KLHL10: variants seen among roughly 807,000 people sequenced by gnomAD.
The protein encoded by KLHL10 is kelch like family member 10.
KLHL10 carries 11 observed loss-of-function variants against 46.6 expected under a neutral mutation model. The ratio of observed to expected loss-of-function variants is 0.24; its 90% CI spans 0.15 to 0.39. KLHL10 has a LOEUF of 0.39. KLHL10 is among the 10% of genes least tolerant of loss of function. The probability of loss-of-function intolerance (pLI) is 1.00; values close to 1 mark genes in which losing one functional copy is unlikely to be tolerated. For missense variants in KLHL10, 475 were observed against 789.8 expected (o/e 0.60, Z 4.78); for synonymous variants, 254 against 279.1 (o/e 0.91, Z 0.90).
Position 41,848,268 on chromosome 17 carries a change from A to C in KLHL10, c.1788A>C (p.Glu596Asp). The C allele has an allele frequency of 6.2e-7, 1 of 1,613,390 alleles. No individual in the cohort carries two copies. The highest frequency in any genetic ancestry group is 1.7e-5 in the Admixed American group (1 of 60,016). ...TCCCAGGATTAGCACTGCGAGATGA[A>C]GTAAAATATTCTGCTTCGACAAGTA... is the stretch of plus-strand genomic sequence containing the variant. The part of the protein sequence containing the change: ...DNFPGLALRD[E>D]VKYSASTSTL... The change falls in exon 5 of 5, where the codon GAA becomes GAC. Residue 596 changes from glutamate (E) to aspartate (D), a missense_variant. Glu to Asp is a conservative substitution (Grantham distance 45). Coordinates refer to ENST00000293303, the MANE Select transcript of KLHL10 (RefSeq NM_152467.5).
chr17:41,845,436 A>G lies in KLHL10; in HGVS notation c.995A>G (p.His332Arg). The change falls in exon 3 of 5, where the codon CAT becomes CGT. Residue 332 changes from histidine (H) to arginine (R), a missense_variant. By Grantham distance (29) the His-to-Arg change is conservative. Coordinates refer to ENST00000293303, the MANE Select transcript of KLHL10 (RefSeq NM_152467.5). Reference protein sequence around the residue: ...TCEEESPRAYHGAAYLKGYVY... With the variant: ...TCEEESPRAYRGAAYLKGYVY... ...GAGGAAGAGAGTCCCCGTGCCTACC[A>G]TGGGGCAGCCTATTTGAAAGGCTAT... 1 of 1,614,182 alleles carries G rather than the reference A, an allele frequency of 6.2e-7. No homozygotes were observed. The highest frequency in any genetic ancestry group is 8.5e-7 in the Non-Finnish European group (1 of 1,180,044).
Position 41,845,468 on chromosome 17 carries a change from A to G in KLHL10, c.1027A>G (p.Ile343Val). ...AGCCTATTTGAAAGGCTATGTGTAT[A>G]TCATTGGGGGGTTTGATAGTGTAGA... is the stretch of plus-strand genomic sequence containing the variant. ...GAAYLKGYVY[I>V]IGGFDSVDYF... is the part of the protein sequence containing the mutation. Residue 343 changes from isoleucine (I) to valine (V), a missense_variant, in exon 3 of 5, where the codon ATC (isoleucine) becomes GTC (valine). Physicochemically the swap from Ile to Val is conservative, Grantham distance 29 (BLOSUM62 3). Coordinates refer to ENST00000293303, the MANE Select transcript of KLHL10 (RefSeq NM_152467.5). 6.2e-7 allele frequency: 1 copy of G among 1,614,198 alleles called. No homozygotes were observed. The highest frequency in any genetic ancestry group is 8.5e-7 in the Non-Finnish European group (1 of 1,180,036).
At chr17:41,836,240 C>T (rs1597928907), upstream of KLHL10, 6 of 1,233,426 alleles carry the variant, frequency 4.9e-6, no homozygotes, top group South Asian at 2.0e-4. Flanking sequence ...GACAGCCCCG[C>T]GACCGCACTG....
At chr17:41,845,040 A>G (rs2048269877) in intron 2 of KLHL10, 86 bp from the exon 3 acceptor site, 1 of 1,522,366 alleles carries the variant, frequency 6.6e-7, no homozygotes, top group African/African-American at 1.4e-5. Flanking sequence ...AGCAATTCAA[A>G]GGCAGATCGA....
In KLHL10 at chr17:41,848,252, T is replaced by C. The variant is rs1206212166; in HGVS notation, c.1772T>C (p.Leu591Ser). ...YAARRDNFPG[L>S]ALRDEVKYSA... ...GCTAGACGGGACAACTTCCCAGGAT[T>C]AGCACTGCGAGATGAAGTAAAATAT... The change falls in exon 5 of 5, where the codon TTA becomes TCA. Residue 591 changes from leucine (L) to serine (S), a missense_variant. Physicochemically the swap from Leu to Ser is moderately radical, Grantham distance 145. Coordinates refer to ENST00000293303, the MANE Select transcript of KLHL10 (RefSeq NM_152467.5). 10 of 1,613,744 alleles carry C rather than the reference T, an allele frequency of 6.2e-6. No homozygotes were observed. The highest frequency in any genetic ancestry group is 8.5e-6 in the Non-Finnish European group (10 of 1,179,982).
Position 41,847,023 on chromosome 17 carries a change from G to T in KLHL10, c.1303-238G>T, listed in dbSNP as rs368184342. 1.2e-3 allele frequency among the ~76,000 whole-genome samples: 186 copies of T among 152,278 alleles called. 1 individual carries two copies. Among genetic ancestry groups the T allele is most frequent in the African/African-American group, 4.3e-3 (180 of 41,558 alleles). ...CCAGCTACTCCAGATGCTGAGGCAG[G>T]AGAATTGTTAGAACCCAGGAGGCGG... is the stretch of plus-strand genomic sequence containing the variant. On this transcript the variant is annotated intron_variant, in intron 3 of 4. Transcript: ENST00000293303.
intron 2 of KLHL10, among the ~76,000 whole-genome samples, chr17:41,843,460 G>A (rs945024977): frequency 2.7e-5 from 4 of 150,334 alleles, no homozygotes; most frequent in Admixed American, 6.7e-5. Flanking sequence ...AGCCCAGATC[G>A]CACCATTGCA....
chr17:41,843,033 G>A (rs192175850), intron 2 of KLHL10, among the ~76,000 whole-genome samples: 4 of 151,806 alleles, frequency 2.6e-5, no homozygotes. Context: ...GGCTGAAATG[G>A]GAGGACTGCT....
At chr17:41,838,278 T>TA in intron 1 of KLHL10, 152 bp downstream of exon 1, 1 of 663,846 alleles carries the variant, frequency 1.5e-6, no homozygotes, top group Non-Finnish European at 2.6e-6. Flanking sequence ...ATTTTTTTTT[T>TA]AGAGATAAGC....
At chr17:41,845,860 A>G in intron 3 of KLHL10, 117 bp downstream of exon 3, 1 of 1,290,314 alleles carries the variant, frequency 7.8e-7, no homozygotes, top group South Asian at 1.3e-5. Flanking sequence ...TGGAGTACTC[A>G]TTCTTTCTTC....
In KLHL10 at chr17:41,845,734, TTATGGGAAGG is replaced by T; in HGVS notation, c.1296_1302+3del. The T allele has an allele frequency of 6.2e-7, 1 of 1,613,666 alleles. No homozygotes were observed. The highest frequency in any genetic ancestry group is 8.5e-7 in the Non-Finnish European group (1 of 1,179,890). ...GGAGTGATGCAAGCGCCACAACACTTTATGGGAAGGTAAAGGACCAGGGTGGGAGGGGAAG... is the reference window on the plus strand; with the variant it reads ...GGAGTGATGCAAGCGCCACAACACTTTAAAGGACCAGGGTGGGAGGGGAAG... On this transcript the variant is annotated splice_donor_variant and coding_sequence_variant, in exon 3 of 5. Transcript: ENST00000293303. LOFTEE classifies it high-confidence loss of function.
chr17:41,836,058 C>T (rs1555619961), upstream of KLHL10: 3 of 1,396,000 alleles, frequency 2.1e-6, no homozygotes, highest in Non-Finnish European at 9.3e-7. Context: ...GGCCGGGGTG[C>T]GCGAGGGGGC....
At chr17:41,843,482 C>T (rs977853007) in intron 2 of KLHL10, among the ~76,000 whole-genome samples, 9 of 147,454 alleles carry the variant, frequency 6.1e-5, no homozygotes, top group East Asian at 2.0e-4. Context: ...TCCAGCTGGG[C>T]GACAGAGAGA....
chr17:41,840,550 C>CAG (rs2048216436), intron 1 of KLHL10, among the ~76,000 whole-genome samples: 1 of 149,954 alleles, frequency 6.7e-6, no homozygotes, highest in Non-Finnish European at 1.5e-5. Flanking sequence ...GAGGCTGAGG[C>CAG]AGAGAATTGC....
At chr17:41,836,107 C>A (rs1009158810), upstream of KLHL10, 14 of 1,335,990 alleles carry the variant, frequency 1.0e-5, no homozygotes, top group East Asian at 3.6e-4. Context: ...CCTCGGTGAC[C>A]AGCTGGGGGG....
intron 1 of KLHL10, among the ~76,000 whole-genome samples, chr17:41,840,110 C>T (rs577598546): frequency 1.3e-5 from 2 of 152,270 alleles, no homozygotes; most frequent in South Asian, 2.1e-4. Flanking sequence ...GGATTACAGG[C>T]GTGAGCCAAC....
chr17:41,842,720 C>G (rs1208439482), intron 2 of KLHL10, among the ~76,000 whole-genome samples: 1 of 151,922 alleles, frequency 6.6e-6, no homozygotes, highest in Non-Finnish European at 1.5e-5. Flanking sequence ...GGCGGATTAC[C>G]TGAGGTCAGG....
chr17:41,836,302 G>GGCGGGGCGGGGGTGGGGCCGGGT, upstream of KLHL10: 1 of 1,231,604 alleles, frequency 8.1e-7, no homozygotes, highest in Non-Finnish European at 1.0e-6. Flanking sequence ...TGGGGCCGGG[G>GGCGGGGCGGGGGTGGGGCCGGGT]GCGGGGCGGG....
chr17:41,842,173 C>T lies in KLHL10; in HGVS notation c.545C>T (p.Ser182Leu), dbSNP rs1459130036. 3 of 1,614,086 alleles carry T rather than the reference C, an allele frequency of 1.9e-6. No individual in the cohort carries two copies. Among genetic ancestry groups the T allele is most frequent in the Admixed American group, 3.3e-5 (2 of 59,998 alleles). ...VKVSAEFLELSVTELKDIIEK... is the reference protein window; with the variant it reads ...VKVSAEFLELLVTELKDIIEK... ...GTCTCGGCAGAATTTTTAGAGCTCT[C>T]GGTCACTGAACTTAAGGATATCATT... The change falls in exon 2 of 5, where the codon TCG becomes TTG. Residue 182 changes from serine to leucine, a missense_variant. Transcript: ENST00000293303.
Sources: allele counts gnomAD v4.1 joint callset (sites outside exome capture counted in the v4.1 genomes callset), GRCh38; gene constraint gnomAD v4.1.1; transcripts MANE v1.5; gene names NCBI Gene and HGNC (gene_info 2026-07-23, HGNC 2026-07-21).